FLRT2: variants seen among roughly 807,000 people sequenced by gnomAD.
FLRT2 encodes fibronectin leucine rich transmembrane protein 2.
A neutral mutation model predicts 40.0 loss-of-function variants in FLRT2; 15 were observed. The observed-to-expected ratio is 0.38, with a 90% CI of 0.25 to 0.58. The LOEUF (loss-of-function observed/expected upper bound fraction) is 0.58. Among genes scored for constraint, FLRT2 ranks in the 20% least tolerant of loss-of-function variants. The pLI is 0.71. For missense variants in FLRT2, 726 were observed against 840.0 expected, an observed-to-expected ratio of 0.86 and a Z score of 1.68; for synonymous variants, 380 against 336.8, an observed-to-expected ratio of 1.13 and a Z score of -1.41.
chr14:85,543,051 T>C (rs905764851), intron 1 of FLRT2, among the ~76,000 whole-genome samples: 1 of 152,208 alleles, frequency 6.6e-6, no homozygotes, highest in Non-Finnish European at 1.5e-5. Flanking sequence ...AAAGTCCAAC[T>C]TCCTGTAACC....
chr14:85,612,180 T>C (rs1354636091), intron 1 of FLRT2, among the ~76,000 whole-genome samples: 1 of 151,398 alleles, frequency 6.6e-6, no homozygotes, highest in Non-Finnish European at 1.5e-5. Flanking sequence ...TGGTTGAAAT[T>C]GATTAGCACT....
chr14:85,575,441 T>C (rs1891087632), intron 1 of FLRT2, among the ~76,000 whole-genome samples: 1 of 152,132 alleles, frequency 6.6e-6, no homozygotes, highest in Non-Finnish European at 1.5e-5. Context: ...AAAAACAAAG[T>C]GTTCCCAAAT....
At position 85,646,810 on chromosome 14, in the gene FLRT2, G is replaced by A. The variant is rs1172580434; in HGVS notation, c.*23313G>A. 1 of 152,174 alleles carries A rather than the reference G, an allele frequency of 6.6e-6. No homozygotes were observed. The highest frequency in any genetic ancestry group is 2.4e-5 in the African/African-American group (1 of 41,384). The allele number at this position is 152,174 out of a possible 1,614,324, so 9.4% of individuals were successfully genotyped here. ...TTTTGTTTTTTTTGGTAGAGATGGGGTTTCACCATGTTGGCCAGGCTGGTT... is the reference window on the plus strand; with the variant it reads ...TTTTGTTTTTTTTGGTAGAGATGGGATTTCACCATGTTGGCCAGGCTGGTT... On this transcript the variant is annotated 3_prime_UTR_variant, in exon 2 of 2. Transcript: ENST00000330753.
Position 85,651,261 on chromosome 14 carries a change from TTGTGTGTGTGTGTG to T in FLRT2, c.*27780_*27793del, listed in dbSNP as rs201674807. On this transcript the variant is annotated 3_prime_UTR_variant, in exon 2 of 2. Transcript: ENST00000330753. Reference sequence around the variant, plus strand: ...CATAGCCTGGAAAGTATTCGTTTGTTTGTGTGTGTGTGTGTGTGTGTGTGTGTGTATTTGTTGTG... The same window carrying T: ...CATAGCCTGGAAAGTATTCGTTTGTTTGTGTGTGTGTGTGTATTTGTTGTG... 1 of 105,140 alleles carries T rather than the reference TTGTGTGTGTGTGTG, an allele frequency of 9.5e-6. No individual in the cohort carries two copies. The highest frequency in any genetic ancestry group is 9.6e-5 in the Admixed American group (1 of 10,390). 6.5% of individuals were successfully genotyped at this position (105,140 alleles called of 1,614,324 possible). A position where few individuals can be genotyped will look rare whatever the true frequency, so the allele number is the denominator to read the frequency against.
At chr14:85,551,328 AGGAAT>A (rs1889606133) in intron 1 of FLRT2, among the ~76,000 whole-genome samples, 1 of 152,182 alleles carries the variant, frequency 6.6e-6, no homozygotes, top group South Asian at 2.1e-4. Flanking sequence ...ATATGATGTA[AGGAAT>A]GGGGTTGCCT....
chr14:85,596,351 A>G (rs745961347), intron 1 of FLRT2, among the ~76,000 whole-genome samples: 15 of 152,218 alleles, frequency 9.9e-5, no homozygotes, highest in Non-Finnish European at 1.6e-4. Flanking sequence ...TTCTGTAAAT[A>G]TTGAAACAAC....
At chr14:85,532,966 G>A (rs1021827459) in intron 1 of FLRT2, among the ~76,000 whole-genome samples, 8 of 152,214 alleles carry the variant, frequency 5.3e-5, no homozygotes, top group African/African-American at 1.9e-4. Context: ...AACGGCATGT[G>A]CCGGGTAGAT....
chr14:85,567,529 C>T (rs1461836491), intron 1 of FLRT2, among the ~76,000 whole-genome samples: 1 of 151,606 alleles, frequency 6.6e-6, no homozygotes, highest in Non-Finnish European at 1.5e-5. Flanking sequence ...TCTTTCTGTA[C>T]AATGCACATA....
In FLRT2 at chr14:85,645,363, T is replaced by C. The variant is rs1043559950; in HGVS notation, c.*21866T>C. ...ATATATGATTGGCTGAGTGCTCTAT[T>C]TGTTGCTTGAGCAGGTGTTCACCCT... On this transcript the variant is annotated 3_prime_UTR_variant, in exon 2 of 2. Transcript: ENST00000330753. 6.6e-6 allele frequency: 1 copy of C among 151,982 alleles called. No individual in the cohort carries two copies. Among genetic ancestry groups the C allele is most frequent in the Non-Finnish European group, 1.5e-5 (1 of 68,016 alleles). 9.4% of individuals were successfully genotyped at this position (151,982 alleles called of 1,614,324 possible).
intron 1 of FLRT2, among the ~76,000 whole-genome samples, chr14:85,536,709 C>T (rs1420162136): frequency 6.7e-6 from 1 of 150,206 alleles, no homozygotes; most frequent in Non-Finnish European, 1.5e-5. Context: ...CCCAACAGTT[C>T]TGTAGTTCTT....
chr14:85,566,883 C>G (rs1001081910), intron 1 of FLRT2, among the ~76,000 whole-genome samples: 2 of 151,862 alleles, frequency 1.3e-5, no homozygotes, highest in Non-Finnish European at 2.9e-5. Flanking sequence ...ATGAAAAAGC[C>G]TTCCGTTTCT....
intron 1 of FLRT2, among the ~76,000 whole-genome samples, chr14:85,616,224 C>T (rs1893125206): frequency 6.6e-6 from 1 of 151,820 alleles, no homozygotes; most frequent in Non-Finnish European, 1.5e-5. Flanking sequence ...TTACCTAGCA[C>T]CTGCCATTAA....
At position 85,627,660 on chromosome 14, in the gene FLRT2, T is replaced by G. The variant is rs1426826910; in HGVS notation, c.*4163T>G. 1 of 166,990 alleles carries G rather than the reference T, an allele frequency of 6.0e-6. No homozygotes were observed. Among genetic ancestry groups the G allele is most frequent in the Non-Finnish European group, 1.5e-5 (1 of 68,092 alleles). 10.3% of individuals were successfully genotyped at this position (166,990 alleles called of 1,614,324 possible). A position where few individuals can be genotyped will look rare whatever the true frequency, so the allele number is the denominator to read the frequency against. On this transcript the variant is annotated 3_prime_UTR_variant, in exon 2 of 2. Transcript: ENST00000330753. Reference sequence around the variant, plus strand: ...AAGATTTATAATGTTTAAGGCAAGGTGAAGGCATTGCCAAGTGTGTGTCGC... The same window carrying G: ...AAGATTTATAATGTTTAAGGCAAGGGGAAGGCATTGCCAAGTGTGTGTCGC...
intron 1 of FLRT2, among the ~76,000 whole-genome samples, chr14:85,553,088 C>T (rs370613319): frequency 1.3e-5 from 2 of 152,132 alleles, no homozygotes; most frequent in Non-Finnish European, 2.9e-5. Flanking sequence ...AGAGCAGCCC[C>T]CTTTCACCCA....
rs1894103711 is a variant in FLRT2, at chr14:85,639,784, T to A, written c.*16287T>A. The A allele has an allele frequency of 1.3e-5, 2 of 151,436 alleles. No homozygotes were observed. Among genetic ancestry groups the A allele is most frequent in the Non-Finnish European group, 2.9e-5 (2 of 67,948 alleles). 9.4% of individuals were successfully genotyped at this position (151,436 alleles called of 1,614,324 possible). Reference sequence around the variant, plus strand: ...AAAACACAGGGCTTAGGATTTCAAATCAGGCTGTTTTCCCTCACCGCACCA... The same window carrying A: ...AAAACACAGGGCTTAGGATTTCAAAACAGGCTGTTTTCCCTCACCGCACCA... On this transcript the variant is annotated 3_prime_UTR_variant, in exon 2 of 2. Transcript: ENST00000330753.
chr14:85,636,517 A>C lies in FLRT2; in HGVS notation c.*13020A>C, dbSNP rs1261783309. The C allele has an allele frequency of 1.3e-5, 2 of 152,056 alleles. No homozygotes were observed. The highest frequency in any genetic ancestry group is 4.8e-5 in the African/African-American group (2 of 41,404). The allele number at this position is 152,056 out of a possible 1,614,324, so 9.4% of individuals were successfully genotyped here. ...CAGTAAATATAGCTGTCACTATGGA[A>C]GTAATTACTCTAAAGGAAATCTGTT... On this transcript the variant is annotated 3_prime_UTR_variant, in exon 2 of 2. Transcript: ENST00000330753.
chr14:85,643,336 T>A lies in FLRT2; in HGVS notation c.*19839T>A. On this transcript the variant is annotated 3_prime_UTR_variant, in exon 2 of 2. Transcript: ENST00000330753. ...CTTTCTTTCTTTCTTTCTTTCTTTC[T>A]TTCTTTCTTTCTTTCTTTCTTCCTT... 1 of 106,578 alleles carries A rather than the reference T, an allele frequency of 9.4e-6. No individual in the cohort carries two copies. Among genetic ancestry groups the A allele is most frequent in the Non-Finnish European group, 2.0e-5 (1 of 50,838 alleles). The allele number at this position is 106,578 out of a possible 1,614,324, so 6.6% of individuals were successfully genotyped here. A position where few individuals can be genotyped will look rare whatever the true frequency, so the allele number is the denominator to read the frequency against.
At chr14:85,564,732 G>A (rs1233497796) in intron 1 of FLRT2, among the ~76,000 whole-genome samples, 2 of 152,180 alleles carry the variant, frequency 1.3e-5, no homozygotes, top group Non-Finnish European at 2.9e-5. Flanking sequence ...GAAACAAACT[G>A]TATGTAATGT....
chr14:85,558,918 G>A (rs560883986), intron 1 of FLRT2, among the ~76,000 whole-genome samples: 15 of 152,328 alleles, frequency 9.8e-5, no homozygotes, highest in African/African-American at 3.6e-4. Flanking sequence ...TATTTGCATA[G>A]TTTTCTCTGG....
Sources: gnomAD v4.1 joint callset for allele counts (sites outside exome capture counted in the v4.1 genomes callset) on GRCh38, gnomAD v4.1.1 for gene constraint, MANE v1.5 for transcripts, NCBI Gene and HGNC (gene_info 2026-07-23, HGNC 2026-07-21) for gene names.